The following HYKK variants were observed in gnomAD, a reference collection of about 807,000 sequenced individuals.
The protein encoded by HYKK is hydroxylysine kinase, also known as 5-hydroxy-L-lysine kinase.
In HYKK, 19 loss-of-function variants were observed where a neutral mutation model predicts 29.7. The ratio of observed to expected loss-of-function variants is 0.64; its 90% confidence interval spans 0.45 to 0.94. The LOEUF is 0.94. Among genes scored for constraint, HYKK ranks in the 40% least tolerant of loss-of-function variants. HYKK has a pLI of 0.00. For synonymous variants in HYKK, 152 were observed against 158.1 expected (o/e 0.96, Z 0.29); for missense variants, 390 against 443.4 (o/e 0.88, Z 1.08).
rs74248582 is a variant in HYKK, at chr15:78,512,370, C to G, written c.-5-714C>G. Among the ~76,000 whole-genome samples the G allele has an allele frequency of 8.6e-3, 1,290 of 150,116 alleles. 114 individuals carry two copies. In the East Asian group the frequency reaches 0.22, roughly 26 times the overall value. Reference sequence around the variant, plus strand: ...AATCATGGATTAGAAGTCTGGAGAGCTGAATTCTTTTTTTCTTTTTTTTCT... The same window carrying G: ...AATCATGGATTAGAAGTCTGGAGAGGTGAATTCTTTTTTTCTTTTTTTTCT... On this transcript the variant is annotated intron_variant, in intron 1 of 4. Coordinates refer to ENST00000388988, the MANE Select transcript of HYKK (RefSeq NM_001013619.4).
chr15:78,524,845 G>A (rs1318476348), intron 3 of HYKK, among the ~76,000 whole-genome samples: 2 of 151,922 alleles, frequency 1.3e-5, no homozygotes, highest in Non-Finnish European at 2.9e-5. Flanking sequence ...CAAAAAACAG[G>A]TCTCATGAGA....
At position 78,534,608 on chromosome 15, in the gene HYKK, T is replaced by TA. The variant is rs1034328479; in HGVS notation, c.*943dup. ...AGTGCCTTTCCTACAGAGAGGTCTT[T>TA]AAAAATATTTGAAAATAAATGCGTG... On this transcript the variant is annotated 3_prime_UTR_variant, in exon 5 of 5. Transcript: ENST00000388988. 1 of 152,196 alleles carries TA rather than the reference T, an allele frequency of 6.6e-6. No homozygotes were observed. The highest frequency in any genetic ancestry group is 2.4e-5 in the African/African-American group (1 of 41,450). 9.4% of individuals were successfully genotyped at this position (152,196 alleles called of 1,614,324 possible). A position where few individuals can be genotyped will look rare whatever the true frequency, so the allele number is the denominator to read the frequency against.
Position 78,534,058 on chromosome 15 carries a change from AC to A in HYKK, c.*390del, listed in dbSNP as rs1320458846. 6.2e-6 allele frequency: 1 copy of A among 161,554 alleles called. No homozygotes were observed. Among genetic ancestry groups the A allele is most frequent in the Non-Finnish European group, 1.3e-5 (1 of 74,248 alleles). The allele number at this position is 161,554 out of a possible 1,614,324, so 10.0% of individuals were successfully genotyped here. A position where few individuals can be genotyped will look rare whatever the true frequency, so the allele number is the denominator to read the frequency against. On this transcript the variant is annotated 3_prime_UTR_variant, in exon 5 of 5. Transcript: ENST00000388988. ...TTAAATATCTGGACATAACATACTG[AC>A]CTAGATAACATACTACCAGTTCTAT...
chr15:78,525,149 T>A (rs914128896), intron 3 of HYKK, among the ~76,000 whole-genome samples: 11 of 152,034 alleles, frequency 7.2e-5, no homozygotes, highest in South Asian at 2.1e-4. Flanking sequence ...TTTTTTTTTT[T>A]ATTTTTATTT....
intron 4 of HYKK, chr15:78,528,569 G>A (rs535397004): frequency 1.0e-5 from 9 of 898,262 alleles, no homozygotes; most frequent in South Asian, 5.1e-5. Context: ...TTGGGAGGCC[G>A]AGGTGGGTGG....
intron 2 of HYKK, among the ~76,000 whole-genome samples, chr15:78,513,948 C>T (rs576539311): frequency 5.3e-5 from 8 of 152,086 alleles, no homozygotes; most frequent in Admixed American, 2.0e-4. Context: ...TGCATCACCA[C>T]GCCCAGCTAA....
chr15:78,528,917 A>G, intron 4 of HYKK: 1 of 902,560 alleles, frequency 1.1e-6, no homozygotes. Context: ...TGTAGCGTAA[A>G]AACAGAGTTG....
chr15:78,516,792 G>A (rs2052137891), intron 3 of HYKK, among the ~76,000 whole-genome samples: 1 of 2,662 alleles, frequency 3.8e-4, no homozygotes, highest in Non-Finnish European at 7.1e-4. Context: ...GGCCAAAGCA[G>A]GAGGATCACT....
At position 78,533,292 on chromosome 15, in the gene HYKK, G is replaced by A; in HGVS notation, c.744G>A (p.Val248=). 1.9e-6 allele frequency: 3 copies of A among 1,614,042 alleles called. No homozygotes were observed. Among genetic ancestry groups the A allele is most frequent in the Non-Finnish European group, 2.5e-6 (3 of 1,179,898 alleles). ...KSASGNAEYQ[V]SGILDFGDMS... is the part of the protein sequence containing the mutation. ...CCTCTGGAAATGCTGAATATCAAGT[G>A]TCTGGGATTTTAGACTTTGGTGACA... Residue 248 remains valine (V), a synonymous_variant, in exon 5 of 5, where the codon GTG becomes GTA. Transcript: ENST00000388988.
intron 1 of HYKK, among the ~76,000 whole-genome samples, 164 bp from the exon 2 acceptor site, chr15:78,512,920 T>G (rs1348086231): frequency 6.6e-6 from 1 of 152,244 alleles, no homozygotes; most frequent in African/African-American, 2.4e-5. Flanking sequence ...CTTCTTGATC[T>G]TATTCACTGA....
rs58709975 is a variant in HYKK at position 78,535,289 on chromosome 15, C to CTTTTTTTTTTTTTTT, written c.*1620_*1634dup. 7.6e-6 allele frequency: 1 copy of CTTTTTTTTTTTTTTT among 130,966 alleles called. No individual in the cohort carries two copies. The highest frequency in any genetic ancestry group is 1.6e-5 in the Non-Finnish European group (1 of 63,412). 8.1% of individuals were successfully genotyped at this position (130,966 alleles called of 1,614,324 possible). A position where few individuals can be genotyped will look rare whatever the true frequency, so the allele number is the denominator to read the frequency against. ...ATTTCTTTTTCTTTTCTTTTCTTTTCTTTTTTTTTTTTTTTGGTGGTGGGG... is the reference window on the plus strand; with the variant it reads ...ATTTCTTTTTCTTTTCTTTTCTTTTCTTTTTTTTTTTTTTTTTTTTTTTTTTTTTTGGTGGTGGGG... On this transcript the variant is annotated 3_prime_UTR_variant, in exon 5 of 5. Transcript: ENST00000388988.
chr15:78,532,612 T>C (rs1036745063), intron 4 of HYKK, among the ~76,000 whole-genome samples: 1 of 152,012 alleles, frequency 6.6e-6, no homozygotes. Context: ...CTGGCCAACA[T>C]GGTGAAACTC....
chr15:78,508,690 T>C (rs2052039214), intron 1 of HYKK, among the ~76,000 whole-genome samples: 1 of 151,896 alleles, frequency 6.6e-6, no homozygotes, highest in African/African-American at 2.4e-5. Flanking sequence ...AAGTTAATAA[T>C]TTTTAAAAAT....
At chr15:78,530,127 A>G (rs1208599877) in intron 4 of HYKK, among the ~76,000 whole-genome samples, 2 of 151,906 alleles carry the variant, frequency 1.3e-5, no homozygotes, top group Non-Finnish European at 2.9e-5. Flanking sequence ...CAACCGCACC[A>G]GGCCCCTGTT....
chr15:78,532,167 C>T (rs895435384), intron 4 of HYKK, among the ~76,000 whole-genome samples: 1 of 152,156 alleles, frequency 6.6e-6, no homozygotes, highest in Non-Finnish European at 1.5e-5. Context: ...TCCCCCAACC[C>T]ATTACAGTCT....
chr15:78,531,994 AAGTC>A (rs1318993927), intron 4 of HYKK, among the ~76,000 whole-genome samples: 2 of 152,158 alleles, frequency 1.3e-5, no homozygotes, highest in East Asian at 3.8e-4. Flanking sequence ...CATATAGAAA[AAGTC>A]AGCATTATAT....
At chr15:78,513,576 G>T in intron 2 of HYKK, 151 bp downstream of exon 2, 1 of 636,926 alleles carries the variant, frequency 1.6e-6, no homozygotes, top group Non-Finnish European at 2.7e-6. Context: ...ACCCTTAGAG[G>T]TGGTTGTGTT....
At chr15:78,523,419 AC>A (rs1037602695) in intron 3 of HYKK, among the ~76,000 whole-genome samples, 22 of 151,854 alleles carry the variant, frequency 1.4e-4, no homozygotes, top group African/African-American at 5.3e-4. Context: ...ATGAGAAACC[AC>A]CCCCATGATC....
intron 3 of HYKK, among the ~76,000 whole-genome samples, chr15:78,519,717 C>T (rs1028654843): frequency 5.9e-5 from 9 of 152,224 alleles, no homozygotes; most frequent in Middle Eastern, 3.4e-3. Context: ...GGCGAGACCG[C>T]ACCACTGCAC....
Sources: gnomAD v4.1 joint callset for allele counts (sites outside exome capture counted in the v4.1 genomes callset) on GRCh38, gnomAD v4.1.1 for gene constraint, MANE v1.5 for transcripts, NCBI Gene and HGNC (gene_info 2026-07-23, HGNC 2026-07-21) for gene names.